The following SPIRE1 variants were observed in gnomAD, a reference collection of about 807,000 sequenced individuals.
The protein encoded by SPIRE1 is spire type actin nucleation factor 1.
Under a neutral mutation model 94.1 loss-of-function variants are expected in SPIRE1, and 40 were observed. The observed-to-expected ratio is 0.43, with a 90% CI of 0.33 to 0.55. The LOEUF (loss-of-function observed/expected upper bound fraction) is 0.55, where lower values mean the gene tolerates loss of function less well. SPIRE1 is among the 20% of genes least tolerant of loss of function. The pLI, the probability that SPIRE1 is intolerant of heterozygous loss-of-function variation, is 0.06. For missense variants in SPIRE1, 838 were observed against 975.2 expected, an observed-to-expected ratio of 0.86 and a Z score of 1.87; for synonymous variants, 376 against 371.7, an observed-to-expected ratio of 1.01 and a Z score of -0.13.
rs546369273 is a variant in SPIRE1, at chr18:12,634,946, A to G, written c.372+116T>C. ...GCAAAAGTCCATCTCAAAAAAAAAA[A>G]AAAAGAAATCTTATCAGAAGACCAA... On this transcript the variant is annotated intron_variant, in intron 2 of 16. Transcript: ENST00000409402. 26 of 592,438 alleles carry G rather than the reference A, an allele frequency of 4.4e-5. No homozygotes were observed. The African/African-American group carries it at 4.6e-4, about 11-fold the overall frequency. 36.7% of individuals were successfully genotyped at this position (592,438 alleles called of 1,614,324 possible).
intron 2 of SPIRE1, among the ~76,000 whole-genome samples, chr18:12,604,610 G>A (rs1363894192): frequency 6.6e-6 from 1 of 152,050 alleles, no homozygotes; most frequent in Non-Finnish European, 1.5e-5. Context: ...GTTTAGTTCT[G>A]TCATTTATTT....
intron 1 of SPIRE1, among the ~76,000 whole-genome samples, chr18:12,655,950 G>C (rs2038527376): frequency 6.6e-6 from 1 of 152,116 alleles, no homozygotes. Context: ...CCAGGCTGGA[G>C]TGCAGTGGCG....
chr18:12,597,016 T>G (rs1696586503), intron 2 of SPIRE1, among the ~76,000 whole-genome samples: 1 of 151,528 alleles, frequency 6.6e-6, no homozygotes, highest in Admixed American at 6.6e-5. Context: ...CCTGTTAACT[T>G]TTATTCTAGC....
intron 2 of SPIRE1, among the ~76,000 whole-genome samples, chr18:12,609,762 G>A (rs1274680442): frequency 6.6e-6 from 1 of 152,156 alleles, no homozygotes; most frequent in Non-Finnish European, 1.5e-5. Context: ...ACAGAAGCCA[G>A]AGGCTCCCAC....
chr18:12,618,892 T>C (rs1363727049), intron 2 of SPIRE1, among the ~76,000 whole-genome samples: 1 of 125,830 alleles, frequency 7.9e-6, no homozygotes, highest in Non-Finnish European at 1.8e-5. Context: ...AAACAATTTT[T>C]TTCCCCCCCA....
At chr18:12,531,820 T>C (rs548558890) in intron 4 of SPIRE1, among the ~76,000 whole-genome samples, 131 of 152,202 alleles carry the variant, frequency 8.6e-4, no homozygotes, top group Non-Finnish European at 1.6e-3. Context: ...CTACCATTAA[T>C]ATAATTTCAT....
At chr18:12,555,739 C>T (rs1022405414) in intron 2 of SPIRE1, among the ~76,000 whole-genome samples, 1 of 152,118 alleles carries the variant, frequency 6.6e-6, no homozygotes, top group African/African-American at 2.4e-5. Flanking sequence ...AACTAAAAGC[C>T]TTTCTTCTAA....
chr18:12,525,104 G>A (rs1176863936), intron 4 of SPIRE1, among the ~76,000 whole-genome samples: 5 of 151,270 alleles, frequency 3.3e-5, no homozygotes, highest in Non-Finnish European at 7.4e-5. Context: ...GTGAAACCCC[G>A]TCTCTACTAA....
chr18:12,485,327 C>T (rs927132555), intron 9 of SPIRE1, among the ~76,000 whole-genome samples: 3 of 151,970 alleles, frequency 2.0e-5, no homozygotes, highest in African/African-American at 7.2e-5. Context: ...GGATGGTCTC[C>T]ATCTCCTGAC....
chr18:12,541,904 T>C (rs2035025232), intron 3 of SPIRE1, among the ~76,000 whole-genome samples: 1 of 151,718 alleles, frequency 6.6e-6, no homozygotes, highest in Non-Finnish European at 1.5e-5. Context: ...TAATATATTT[T>C]AGTTAACCCA....
intron 8 of SPIRE1, 25 bp from the exon 9 acceptor site, chr18:12,486,025 A>T: frequency 6.6e-7 from 1 of 1,511,598 alleles, no homozygotes; most frequent in South Asian, 1.3e-5. Flanking sequence ...ACAAACAATA[A>T]AAAGAAAATA....
chr18:12,507,942 C>T (rs927785540), intron 5 of SPIRE1, among the ~76,000 whole-genome samples: 1 of 151,778 alleles, frequency 6.6e-6, no homozygotes, highest in Non-Finnish European at 1.5e-5. Flanking sequence ...GTCAGAAGAT[C>T]GAGACCATCC....
At chr18:12,522,431 G>A (rs534896409) in intron 4 of SPIRE1, among the ~76,000 whole-genome samples, 1 of 152,330 alleles carries the variant, frequency 6.6e-6, no homozygotes, top group South Asian at 2.1e-4. Flanking sequence ...AGTTGTCATC[G>A]CTCGATAAAA....
In SPIRE1 at chr18:12,640,378, A is replaced by T. The variant is rs1218905946; in HGVS notation, c.338-5282T>A. Among the ~76,000 whole-genome samples the T allele has an allele frequency of 2.6e-5, 4 of 152,314 alleles. No individual in the cohort carries two copies. In the East Asian group the frequency reaches 5.8e-4, roughly 22 times the overall value. ...TGTTCTTTTTCATGCTAAAACTGAG[A>T]TACCAATGAATACACCCTGCTCTCC... is the stretch of plus-strand genomic sequence containing the variant. On this transcript the variant is annotated intron_variant, in intron 1 of 16. Coordinates refer to ENST00000409402, the MANE Select transcript of SPIRE1 (RefSeq NM_001128626.2).
intron 3 of SPIRE1, among the ~76,000 whole-genome samples, chr18:12,539,605 A>G (rs1396806876): frequency 1.3e-5 from 2 of 150,754 alleles, no homozygotes; most frequent in Admixed American, 1.3e-4. Context: ...ACACACACAC[A>G]CACACACACG....
At chr18:12,574,523 T>C (rs962946449) in intron 2 of SPIRE1, among the ~76,000 whole-genome samples, 3 of 152,130 alleles carry the variant, frequency 2.0e-5, no homozygotes, top group African/African-American at 2.4e-5. Flanking sequence ...TTTACTGATA[T>C]GGAAAACTGG....
chr18:12,652,385 C>T (rs2038404610), intron 1 of SPIRE1, among the ~76,000 whole-genome samples: 2 of 152,204 alleles, frequency 1.3e-5, no homozygotes, highest in African/African-American at 4.8e-5. Context: ...CTTATTATTA[C>T]TACAACTGCA....
chr18:12,470,841 CCTCA>C (rs929182188), intron 10 of SPIRE1, among the ~76,000 whole-genome samples: 1 of 151,958 alleles, frequency 6.6e-6, no homozygotes, highest in Non-Finnish European at 1.5e-5. Context: ...GCTGGCTGAT[CCTCA>C]CTGAGTTAGG....
chr18:12,480,938 G>A (rs1382277689), intron 9 of SPIRE1, among the ~76,000 whole-genome samples: 1 of 152,222 alleles, frequency 6.6e-6, no homozygotes, highest in Non-Finnish European at 1.5e-5. Context: ...CTGTGAGGCT[G>A]CCGTAGATGG....
Sources: allele counts gnomAD v4.1 joint callset (sites outside exome capture counted in the v4.1 genomes callset), GRCh38; gene constraint gnomAD v4.1.1; transcripts MANE v1.5; gene names NCBI Gene and HGNC (gene_info 2026-07-23, HGNC 2026-07-21).